CTNNA3: variants seen among roughly 807,000 people sequenced by gnomAD.
CTNNA3 encodes catenin alpha 3, also known as catenin alpha-3.
CTNNA3 carries 76 observed loss-of-function variants against 95.7 expected under a neutral mutation model. The observed-to-expected ratio is 0.79, with a 90% CI of 0.66 to 0.96. CTNNA3 has a LOEUF of 0.96. CTNNA3 is among the 40% of genes least tolerant of loss of function. The pLI is 0.00. For synonymous variants in CTNNA3, 431 were observed against 374.4 expected (o/e 1.15, Z -1.74); for missense variants, 1,191 against 1,089.8 (o/e 1.09, Z -1.31).
intron 10 of CTNNA3, among the ~76,000 whole-genome samples, chr10:66,615,704 A>G (rs1844486348): frequency 6.6e-6 from 1 of 151,980 alleles, no homozygotes; most frequent in African/African-American, 2.4e-5. Context: ...AAAAAAAGCT[A>G]ACTACACTGA....
chr10:66,750,365 T>A (rs1335468589), intron 9 of CTNNA3, among the ~76,000 whole-genome samples: 1 of 152,196 alleles, frequency 6.6e-6, no homozygotes, highest in African/African-American at 2.4e-5. Context: ...CATTTAAGTC[T>A]ATGACCCATT....
intron 15 of CTNNA3, among the ~76,000 whole-genome samples, chr10:66,062,828 T>G (rs1468620976): frequency 8.5e-5 from 13 of 152,092 alleles, no homozygotes; most frequent in Admixed American, 8.5e-4. Context: ...TTGTAAAACA[T>G]GAAATGTGTC....
intron 17 of CTNNA3, among the ~76,000 whole-genome samples, chr10:65,953,658 A>G (rs2077666950): frequency 1.3e-5 from 2 of 151,076 alleles, no homozygotes; most frequent in African/African-American, 4.9e-5. Context: ...TCCTTGTGTT[A>G]GTTTGCTCAG....
At chr10:67,693,269 T>C (rs887004154) in intron 1 of CTNNA3, among the ~76,000 whole-genome samples, 4 of 152,204 alleles carry the variant, frequency 2.6e-5, no homozygotes, top group African/African-American at 9.6e-5. Context: ...CACTTTCCAT[T>C]AGATTTGCAA....
intron 14 of CTNNA3, among the ~76,000 whole-genome samples, chr10:66,080,700 G>A (rs1445468304): frequency 6.6e-6 from 1 of 152,134 alleles, no homozygotes; most frequent in Non-Finnish European, 1.5e-5. Context: ...GGCAGAGATG[G>A]AACTCAACTC....
chr10:66,364,447 T>C (rs1210670695), intron 12 of CTNNA3, among the ~76,000 whole-genome samples: 1 of 152,020 alleles, frequency 6.6e-6, no homozygotes, highest in South Asian at 2.1e-4. Context: ...AGTAAAAATG[T>C]ATAAGATTGG....
At chr10:67,742,687 C>A (rs1281038924) in intron 1 of CTNNA3, among the ~76,000 whole-genome samples, 1 of 150,944 alleles carries the variant, frequency 6.6e-6, no homozygotes, top group Admixed American at 6.6e-5. Flanking sequence ...CACAAAAAAC[C>A]CTTCAAAAAA....
At chr10:66,839,651 G>A (rs920579219) in intron 7 of CTNNA3, among the ~76,000 whole-genome samples, 3 of 152,034 alleles carry the variant, frequency 2.0e-5, no homozygotes, top group African/African-American at 7.2e-5. Flanking sequence ...AAATGTGAAA[G>A]CACTTAGGAT....
intron 7 of CTNNA3, among the ~76,000 whole-genome samples, chr10:66,989,881 C>T (rs929668796): frequency 2.6e-5 from 4 of 152,106 alleles, no homozygotes; most frequent in South Asian, 2.1e-4. Flanking sequence ...GATTATTTAG[C>T]GGCAATAGGA....
chr10:66,505,004 T>C (rs1044612393), intron 11 of CTNNA3, among the ~76,000 whole-genome samples: 5 of 152,192 alleles, frequency 3.3e-5, no homozygotes, highest in Non-Finnish European at 5.9e-5. Flanking sequence ...ATTTACTTTA[T>C]CAGTAAGATT....
intron 7 of CTNNA3, among the ~76,000 whole-genome samples, chr10:67,034,128 C>CCAG (rs1332399590): frequency 6.6e-6 from 1 of 152,152 alleles, no homozygotes. Context: ...TGCAGCCAAA[C>CCAG]CAGTGCTTTT....
chr10:67,757,229 C>T (rs930335356), intron 1 of CTNNA3, among the ~76,000 whole-genome samples: 2 of 152,162 alleles, frequency 1.3e-5, no homozygotes, highest in African/African-American at 2.4e-5. Flanking sequence ...CAGCTTTAAA[C>T]AATAAATATT....
rs1037568914 is a variant in CTNNA3 at position 67,712,483 on chromosome 10, C to T, written c.-2+50951G>A. Among the ~76,000 whole-genome samples, 13 of 152,330 alleles carry T rather than the reference C, an allele frequency of 8.5e-5. No homozygotes were observed. The East Asian group carries it at 1.5e-3, about 18-fold the overall frequency. On this transcript the variant is annotated intron_variant, in intron 1 of 17. Transcript: ENST00000684154. ...TTTCATGGGCTGGGCCCAGGGTCCC[C>T]GTGCTGTGTGCAGCCTAGGGACTTG...
intron 5 of CTNNA3, among the ~76,000 whole-genome samples, chr10:67,389,732 A>C (rs1172939030): frequency 2.0e-5 from 3 of 151,178 alleles, no homozygotes; most frequent in African/African-American, 7.3e-5. Flanking sequence ...GTGCAATCAA[A>C]CTAGAACTCA....
intron 9 of CTNNA3, among the ~76,000 whole-genome samples, chr10:66,765,784 C>T (rs533605606): frequency 3.0e-4 from 45 of 152,202 alleles, no homozygotes; most frequent in Middle Eastern, 3.4e-3. Flanking sequence ...TCTTTTGCCC[C>T]TGTGGGGACA....
At chr10:66,648,176 C>T (rs931466308) in intron 9 of CTNNA3, among the ~76,000 whole-genome samples, 4 of 152,118 alleles carry the variant, frequency 2.6e-5, no homozygotes, top group African/African-American at 9.7e-5. Context: ...AGCTCATTAG[C>T]ATCACCAGAA....
At chr10:66,992,759 A>G (rs1026527786) in intron 7 of CTNNA3, among the ~76,000 whole-genome samples, 6 of 152,072 alleles carry the variant, frequency 3.9e-5, no homozygotes, top group Non-Finnish European at 8.8e-5. Context: ...ATCTAATTTT[A>G]ATTTTTCCTT....
chr10:67,762,694 G>A (rs1001189492), intron 1 of CTNNA3, among the ~76,000 whole-genome samples: 36 of 152,170 alleles, frequency 2.4e-4, no homozygotes, highest in African/African-American at 8.4e-4. Flanking sequence ...TCCAAAGAAA[G>A]AAGAAGTAAA....
intron 7 of CTNNA3, among the ~76,000 whole-genome samples, chr10:67,072,493 C>T (rs954274612): frequency 5.9e-5 from 9 of 152,164 alleles, no homozygotes; most frequent in African/African-American, 9.7e-5. Context: ...GAATTCCAAA[C>T]GATATCTTCC....
Sources: gnomAD v4.1 joint callset for allele counts (sites outside exome capture counted in the v4.1 genomes callset) on GRCh38, gnomAD v4.1.1 for gene constraint, MANE v1.5 for transcripts, NCBI Gene and HGNC (gene_info 2026-07-23, HGNC 2026-07-21) for gene names.